CUL1: variants seen among roughly 807,000 people sequenced by gnomAD.
The protein encoded by CUL1 is cullin-1.
CUL1 carries 24 observed loss-of-function variants against 118.0 expected under a neutral mutation model. The observed-to-expected ratio is 0.20, with a 90% CI of 0.15 to 0.29. The LOEUF (loss-of-function observed/expected upper bound fraction) is 0.29, where lower values mean the gene tolerates loss of function less well. Among genes scored for constraint, CUL1 ranks in the 10% least tolerant of loss-of-function variants. The probability of loss-of-function intolerance (pLI) is 1.00; values close to 1 mark genes in which losing one functional copy is unlikely to be tolerated. For synonymous variants in CUL1, 332 were observed against 340.4 expected (o/e 0.98, Z 0.27); for missense variants, 361 against 933.8 (o/e 0.39, Z 7.99).
At chr7:148,699,057 G>T (rs893398808) in intron 1 of CUL1, 28 bp downstream of exon 1, 2 of 155,494 alleles carry the variant, frequency 1.3e-5, no homozygotes, top group South Asian at 1.8e-4. Context: ...CCGGGGCCGA[G>T]AGGAGGTGGC....
At chr7:148,702,125 C>T (rs1249531016) in intron 1 of CUL1, among the ~76,000 whole-genome samples, 1 of 152,166 alleles carries the variant, frequency 6.6e-6, no homozygotes, top group East Asian at 1.9e-4. Flanking sequence ...CTTATGTTTA[C>T]TACTGAGGAC....
chr7:148,799,283 C>T lies in CUL1; in HGVS notation c.2145C>T (p.Ile715=), dbSNP rs116330247. 1.1e-3 allele frequency: 1,755 copies of T among 1,613,272 alleles called. 18 individuals carry two copies. In the African/African-American group the frequency reaches 0.018, roughly 16 times the overall value. ...EDRKLLIQAA[I]VRIMKMRKVL... is the part of the protein sequence containing the mutation. ...CTTATCTTGTTGCATAGGCGGCCAT[C>T]GTGAGAATCATGAAGATGAGGAAGG... Residue 715 remains isoleucine (I), a synonymous_variant, in exon 21 of 22, where the codon ATC becomes ATT. Transcript: ENST00000325222.
chr7:148,791,507 T>C (rs1801007548), intron 16 of CUL1, among the ~76,000 whole-genome samples: 1 of 152,258 alleles, frequency 6.6e-6, no homozygotes, highest in South Asian at 2.1e-4. Flanking sequence ...GAAGAATCCA[T>C]GTGTTCCACT....
At chr7:148,781,250 T>G (rs1198425642) in intron 9 of CUL1, among the ~76,000 whole-genome samples, 1 of 151,902 alleles carries the variant, frequency 6.6e-6, no homozygotes, top group African/African-American at 2.4e-5. Flanking sequence ...TCAGCTGATT[T>G]TTTTGTATTT....
At chr7:148,712,717 C>T (rs1208070979) in intron 1 of CUL1, among the ~76,000 whole-genome samples, 1 of 152,140 alleles carries the variant, frequency 6.6e-6, no homozygotes, top group Non-Finnish European at 1.5e-5. Flanking sequence ...ACAACAGGTA[C>T]TACAGTATTA....
intron 1 of CUL1, among the ~76,000 whole-genome samples, chr7:148,718,220 T>C (rs1563148837): frequency 6.6e-6 from 1 of 152,240 alleles, no homozygotes; most frequent in Admixed American, 6.5e-5. Flanking sequence ...TTAACAACTT[T>C]ATTGAGATTT....
In CUL1 at chr7:148,790,336, A is replaced by C; in HGVS notation, c.1701A>C (p.Thr567=). 9 of 1,614,168 alleles carry C rather than the reference A, an allele frequency of 5.6e-6. No individual in the cohort carries two copies. Among genetic ancestry groups the C allele is most frequent in the Non-Finnish European group, 7.6e-6 (9 of 1,180,028 alleles). ...SELERSYQRF[T]AFYASRHSGR... The stretch of plus-strand genomic sequence containing the variant: ...TGGAACGTAGTTATCAGCGATTCAC[A>C]GCTTTCTACGCCAGCCGCCACAGTG... Residue 567 remains threonine (T), a synonymous_variant, in exon 16 of 22, where the codon ACA becomes ACC. Coordinates refer to ENST00000325222, the MANE Select transcript of CUL1 (RefSeq NM_003592.3).
At chr7:148,751,534 CA>C (rs1166826975) in intron 2 of CUL1, among the ~76,000 whole-genome samples, 270 of 65,686 alleles carry the variant, frequency 4.1e-3, no homozygotes, top group East Asian at 0.013. Context: ...GACTCTGTCT[CA>C]AAAAAAAAAA....
intron 9 of CUL1, among the ~76,000 whole-genome samples, chr7:148,782,559 TTA>T (rs1488974978): frequency 6.6e-6 from 1 of 152,220 alleles, no homozygotes; most frequent in Non-Finnish European, 1.5e-5. Flanking sequence ...TATCAAATGT[TTA>T]TGTCAGGTGG....
At chr7:148,751,624 T>C (rs1584790772) in intron 2 of CUL1, among the ~76,000 whole-genome samples, 1 of 151,612 alleles carries the variant, frequency 6.6e-6, no homozygotes, top group South Asian at 2.1e-4. Flanking sequence ...GACCTGCTAG[T>C]TTTATTCTTT....
At chr7:148,740,256 T>C (rs993334202) in intron 2 of CUL1, among the ~76,000 whole-genome samples, 3 of 152,122 alleles carry the variant, frequency 2.0e-5, no homozygotes, top group Non-Finnish European at 2.9e-5. Context: ...GATTTCACCA[T>C]GTTGGCCAGG....
intron 1 of CUL1, among the ~76,000 whole-genome samples, chr7:148,713,855 C>G (rs1435305405): frequency 1.3e-5 from 2 of 152,164 alleles, no homozygotes; most frequent in African/African-American, 4.8e-5. Context: ...TCCCAAGTAG[C>G]TGTGACTACA....
chr7:148,786,974 C>T lies in CUL1; in HGVS notation c.1348-15C>T, dbSNP rs145393587. Reference sequence around the variant, plus strand: ...TGTGTGCTGGTTAAGTGTGTTGTCTCGGTGGCTTTGCCAGATGGTTGTCTT... The same window carrying T: ...TGTGTGCTGGTTAAGTGTGTTGTCTTGGTGGCTTTGCCAGATGGTTGTCTT... On this transcript the variant is annotated splice_polypyrimidine_tract_variant and intron_variant, in intron 12 of 21. Transcript: ENST00000325222. 51 of 1,485,984 alleles carry T rather than the reference C, an allele frequency of 3.4e-5. No homozygotes were observed. The East Asian group carries it at 9.4e-4, about 27-fold the overall frequency. The allele number at this position is 1,485,984 out of a possible 1,614,324, so 92.0% of individuals were successfully genotyped here. A position where few individuals can be genotyped will look rare whatever the true frequency, so the allele number is the denominator to read the frequency against.
chr7:148,733,586 C>T (rs1011381672), intron 2 of CUL1, among the ~76,000 whole-genome samples: 2 of 152,190 alleles, frequency 1.3e-5, no homozygotes, highest in African/African-American at 2.4e-5. Flanking sequence ...AAGGCTTGCT[C>T]GCTGTGACAT....
chr7:148,698,034 G>GA (rs1173292347), upstream of CUL1: 4 of 152,218 alleles, frequency 2.6e-5, no homozygotes, highest in Non-Finnish European at 5.9e-5. Context: ...AGGAGTTACT[G>GA]AAAGTCTGAA....
At chr7:148,772,448 AGTTTATGATGG>A (rs1476580836) in intron 9 of CUL1, among the ~76,000 whole-genome samples, 1 of 151,838 alleles carries the variant, frequency 6.6e-6, no homozygotes, top group East Asian at 1.9e-4. Context: ...CCACACATTC[AGTTTATGATGG>A]GCTTATTGAA....
intron 4 of CUL1, among the ~76,000 whole-genome samples, chr7:148,757,795 C>T (rs1799704303): frequency 6.6e-6 from 1 of 152,116 alleles, no homozygotes; most frequent in African/African-American, 2.4e-5. Flanking sequence ...GCAGAAGGCA[C>T]ATCTTAGATG....
chr7:148,787,247 G>C lies in CUL1; in HGVS notation c.1479+127G>C. ...GGAGGCCGAGGCGGGCAGATCACGA[G>C]GTCAGGAGATCGAGACCATCCTGGC... On this transcript the variant is annotated intron_variant, in intron 13 of 21. Transcript: ENST00000325222. The surrounding 1 kb of genome is among the most constrained non-coding windows in gnomAD (Gnocchi z 5.5). 1 of 857,482 alleles carries C rather than the reference G, an allele frequency of 1.2e-6. No homozygotes were observed. The highest frequency in any genetic ancestry group is 1.8e-6 in the Non-Finnish European group (1 of 564,778). 53.1% of individuals were successfully genotyped at this position (857,482 alleles called of 1,614,324 possible).
At chr7:148,746,206 G>A (rs1157075689) in intron 2 of CUL1, among the ~76,000 whole-genome samples, 6 of 152,128 alleles carry the variant, frequency 3.9e-5, no homozygotes, top group Non-Finnish European at 7.3e-5. Context: ...AGAATGAAAG[G>A]ATTCTGTGGC....
Sources: gnomAD v4.1 joint callset for allele counts (sites outside exome capture counted in the v4.1 genomes callset) on GRCh38, gnomAD v4.1.1 for gene constraint, Gnocchi (gnomAD v3.1) non-coding constraint, MANE v1.5 for transcripts, NCBI Gene and HGNC (gene_info 2026-07-23, HGNC 2026-07-21) for gene names.